WDR59: variants seen among roughly 807,000 people sequenced by gnomAD.
WDR59 encodes GATOR2 complex protein WDR59.
Under a neutral mutation model 131.2 loss-of-function variants are expected in WDR59, and 100 were observed. The ratio of observed to expected loss-of-function variants is 0.76; its 90% CI spans 0.65 to 0.90. The LOEUF is 0.90. Among genes scored for constraint, WDR59 ranks in the 40% least tolerant of loss-of-function variants. The probability of loss-of-function intolerance (pLI) is 0.00; values close to 1 mark genes in which losing one functional copy is unlikely to be tolerated. For synonymous variants in WDR59, 601 were observed against 466.2 expected, an observed-to-expected ratio of 1.29 and a Z score of -3.72; for missense variants, 1,203 against 1,262.2, an observed-to-expected ratio of 0.95 and a Z score of 0.71.
At chr16:74,973,981 C>T (rs982206968) in intron 1 of WDR59, among the ~76,000 whole-genome samples, 3 of 152,080 alleles carry the variant, frequency 2.0e-5, no homozygotes, top group African/African-American at 7.2e-5. Flanking sequence ...ACCAGCCTGG[C>T]CAACATGGTG....
chr16:74,910,025 T>C, intron 14 of WDR59, 108 bp from the exon 15 acceptor site: 2 of 935,144 alleles, frequency 2.1e-6, no homozygotes, highest in Non-Finnish European at 3.1e-6. Context: ...TGGAGTGTAG[T>C]GGTACGATCT....
intron 11 of WDR59, among the ~76,000 whole-genome samples, chr16:74,917,293 G>A (rs761999753): frequency 5.9e-5 from 9 of 152,194 alleles, no homozygotes; most frequent in South Asian, 2.1e-4. Flanking sequence ...CATTTGCAGC[G>A]TACAAGGGTA....
At chr16:74,963,896 G>A (rs947691768) in intron 2 of WDR59, among the ~76,000 whole-genome samples, 1 of 151,268 alleles carries the variant, frequency 6.6e-6, no homozygotes, top group Non-Finnish European at 1.5e-5. Flanking sequence ...GTGAGACCCT[G>A]TCTCAAAAGA....
chr16:74,889,480 G>A (rs749525540), intron 21 of WDR59, among the ~76,000 whole-genome samples: 5 of 152,096 alleles, frequency 3.3e-5, no homozygotes, highest in Non-Finnish European at 5.9e-5. Context: ...TGAGTCTCAG[G>A]GGTCTCAAAT....
chr16:74,938,793 C>T (rs2031999808), intron 7 of WDR59, among the ~76,000 whole-genome samples: 1 of 152,020 alleles, frequency 6.6e-6, no homozygotes, highest in South Asian at 2.1e-4. Context: ...CTGCTTTGGC[C>T]TCCCAAAGTG....
chr16:74,982,118 A>T (rs1041684060), intron 1 of WDR59, among the ~76,000 whole-genome samples: 3 of 149,224 alleles, frequency 2.0e-5, no homozygotes, highest in Admixed American at 2.0e-4. Context: ...AAAATGAAAG[A>T]AATTTAAATA....
intron 20 of WDR59, among the ~76,000 whole-genome samples, chr16:74,891,368 T>C (rs1965036296): frequency 6.6e-6 from 1 of 152,060 alleles, no homozygotes; most frequent in Non-Finnish European, 1.5e-5. Flanking sequence ...ACTTGAAAAA[T>C]ATACAGAAGG....
chr16:74,981,727 C>G (rs1010419204), intron 1 of WDR59, among the ~76,000 whole-genome samples: 5 of 130,130 alleles, frequency 3.8e-5, no homozygotes, highest in African/African-American at 1.5e-4. Context: ...GAGATCTTGG[C>G]TCACTGCAAC....
At position 74,889,821 on chromosome 16, in the gene WDR59, C is replaced by T; in HGVS notation, c.2083-6G>A. 5 of 1,606,330 alleles carry T rather than the reference C, an allele frequency of 3.1e-6. No homozygotes were observed. The highest frequency in any genetic ancestry group is 4.2e-6 in the Non-Finnish European group (5 of 1,176,536). On this transcript the variant is annotated splice_polypyrimidine_tract_variant and splice_region_variant and intron_variant, in intron 20 of 25. Transcript: ENST00000262144. ...ACCGTAGCCAGCGACCAAACCTGGA[C>T]AGATCAAAGAGAAATACAAACTCAA...
chr16:74,930,969 T>A (rs1293682651), intron 8 of WDR59, among the ~76,000 whole-genome samples: 1 of 144,152 alleles, frequency 6.9e-6, no homozygotes, highest in East Asian at 2.0e-4. Context: ...CAAGACTCCA[T>A]CTCCAAAAAA....
At chr16:74,958,990 C>G (rs1414485676) in intron 2 of WDR59, among the ~76,000 whole-genome samples, 1 of 152,074 alleles carries the variant, frequency 6.6e-6, no homozygotes, top group African/African-American at 2.4e-5. Flanking sequence ...ACCTGGGAAG[C>G]AGGGGATGCA....
At chr16:74,916,797 T>G (rs1451889879) in intron 11 of WDR59, among the ~76,000 whole-genome samples, 1 of 149,840 alleles carries the variant, frequency 6.7e-6, no homozygotes, top group Non-Finnish European at 1.5e-5. Flanking sequence ...AGGCAGAGGT[T>G]GCAGTGAGCA....
chr16:74,896,503 C>T (rs1011929735), intron 18 of WDR59, among the ~76,000 whole-genome samples: 2 of 152,030 alleles, frequency 1.3e-5, no homozygotes, highest in African/African-American at 2.4e-5. Flanking sequence ...GGCATGGGGG[C>T]GTGGACCTGT....
intron 14 of WDR59, 70 bp downstream of exon 14, chr16:74,912,128 T>C: frequency 6.2e-7 from 1 of 1,600,160 alleles, no homozygotes; most frequent in South Asian, 1.1e-5. Context: ...GGAGTTTTCA[T>C]TCTTCTTTAC....
chr16:74,915,577 ATTT>A (rs57977057), intron 13 of WDR59: 738 of 189,424 alleles, frequency 3.9e-3, no homozygotes, highest in South Asian at 8.1e-3. Flanking sequence ...TTACAGGCTA[ATTT>A]TTTTTTTTTT....
intron 3 of WDR59, among the ~76,000 whole-genome samples, chr16:74,952,496 G>A (rs2033065507): frequency 6.7e-6 from 1 of 150,038 alleles, no homozygotes. Flanking sequence ...TCCTCAAAAG[G>A]GTGTCCTAGA....
intron 1 of WDR59, among the ~76,000 whole-genome samples, chr16:74,982,475 A>T (rs373916110): frequency 6.6e-6 from 1 of 152,198 alleles, no homozygotes; most frequent in Non-Finnish European, 1.5e-5. Flanking sequence ...ATCCTAATAT[A>T]TGTGTCAGCA....
At chr16:74,895,259 T>C (rs1042631840) in intron 18 of WDR59, among the ~76,000 whole-genome samples, 2 of 152,138 alleles carry the variant, frequency 1.3e-5, no homozygotes, top group African/African-American at 4.8e-5. Context: ...ACCCGTTTGA[T>C]CTTTTTATTT....
chr16:74,964,024 C>A (rs183564870), intron 2 of WDR59, among the ~76,000 whole-genome samples: 1 of 151,430 alleles, frequency 6.6e-6, no homozygotes, highest in African/African-American at 2.4e-5. Context: ...AGACCCTCAT[C>A]TCTAAAAAAA....
Sources: allele counts gnomAD v4.1 joint callset (sites outside exome capture counted in the v4.1 genomes callset), GRCh38; gene constraint gnomAD v4.1.1; transcripts MANE v1.5; gene names NCBI Gene and HGNC (gene_info 2026-07-23, HGNC 2026-07-21).